ATRNL1: variants seen among roughly 807,000 people sequenced by gnomAD.
ATRNL1 encodes the protein attractin like 1.
ATRNL1 carries 95 observed loss-of-function variants against 182.7 expected under a neutral mutation model. The ratio of observed to expected loss-of-function variants is 0.52; its 90% confidence interval spans 0.44 to 0.62. ATRNL1 has a LOEUF of 0.62. Among genes scored for constraint, ATRNL1 ranks in the 20% least tolerant of loss-of-function variants. ATRNL1 has a pLI of 0.00. For missense variants in ATRNL1, 1,471 were observed against 1,679.5 expected (o/e 0.88, Z 2.17); for synonymous variants, 576 against 568.3 (o/e 1.01, Z -0.19).
At chr10:115,435,952 A>T (rs1420508039) in intron 21 of ATRNL1, among the ~76,000 whole-genome samples, 1 of 152,170 alleles carries the variant, frequency 6.6e-6, no homozygotes, top group Non-Finnish European at 1.5e-5. Context: ...TAGTAGACTC[A>T]TATAAGTTAT....
At position 115,398,737 on chromosome 10, in the gene ATRNL1, C is replaced by G. The variant is rs1554956198; in HGVS notation, c.3269+3985C>G. 3.3e-5 allele frequency among the ~76,000 whole-genome samples: 5 copies of G among 151,990 alleles called. 1 individual carries two copies. In the South Asian group the frequency reaches 6.2e-4, roughly 19 times the overall value. On this transcript the variant is annotated intron_variant, in intron 20 of 28. Coordinates refer to ENST00000355044, the MANE Select transcript of ATRNL1 (RefSeq NM_207303.4). ...ACTGCCCTGGTGAGAACTTCAGATA[C>G]TATGTTGAATGGAAGTGGTGAGAGA...
intron 13 of ATRNL1, among the ~76,000 whole-genome samples, chr10:115,274,343 A>C (rs1485986745): frequency 6.6e-6 from 1 of 152,212 alleles, no homozygotes; most frequent in Non-Finnish European, 1.5e-5. Context: ...TGTTACCTCC[A>C]AAATCCAAAG....
chr10:115,176,605 A>G, intron 8 of ATRNL1, among the ~76,000 whole-genome samples: 1 of 152,042 alleles, frequency 6.6e-6, no homozygotes, highest in East Asian at 1.9e-4. Context: ...GGTGATTCCA[A>G]AATTTTGGGC....
chr10:115,674,594 G>A (rs12240928), intron 26 of ATRNL1, among the ~76,000 whole-genome samples: 1,804 of 152,124 alleles, frequency 0.012, 33 homozygotes, highest in African/African-American at 0.041. Context: ...AAGGACCTCC[G>A]AGTCTACTGA....
At chr10:115,578,155 G>A (rs540849149) in intron 26 of ATRNL1, among the ~76,000 whole-genome samples, 4 of 151,792 alleles carry the variant, frequency 2.6e-5, no homozygotes, top group South Asian at 2.1e-4. Flanking sequence ...TTTAGTTTGC[G>A]AGTTTTTTGT....
At chr10:115,897,627 G>A (rs1952240665) in intron 28 of ATRNL1, among the ~76,000 whole-genome samples, 1 of 152,134 alleles carries the variant, frequency 6.6e-6, no homozygotes, top group Non-Finnish European at 1.5e-5. Flanking sequence ...CCTCACAAAG[G>A]GACAGGCACT....
chr10:115,733,864 A>G (rs1947872272), intron 27 of ATRNL1, among the ~76,000 whole-genome samples: 1 of 152,196 alleles, frequency 6.6e-6, no homozygotes, highest in African/African-American at 2.4e-5. Context: ...AAGATATAAT[A>G]CAAATTAAAA....
chr10:115,845,385 C>T (rs1259933695), intron 27 of ATRNL1, among the ~76,000 whole-genome samples: 2 of 151,958 alleles, frequency 1.3e-5, no homozygotes, highest in South Asian at 2.1e-4. Context: ...TTCCTTTCCA[C>T]GTTTGAGATA....
chr10:115,375,232 CCTT>C (rs1554949241), intron 19 of ATRNL1, among the ~76,000 whole-genome samples: 1 of 151,322 alleles, frequency 6.6e-6, no homozygotes, highest in East Asian at 1.9e-4. Flanking sequence ...TACCTAATGA[CCTT>C]CTTTTTGTCT....
chr10:115,508,193 G>C (rs1165330184), intron 24 of ATRNL1, among the ~76,000 whole-genome samples: 5 of 151,952 alleles, frequency 3.3e-5, no homozygotes, highest in African/African-American at 1.2e-4. Flanking sequence ...TTTTGTAATT[G>C]TTTTGGGGTG....
intron 26 of ATRNL1, among the ~76,000 whole-genome samples, chr10:115,659,208 G>C (rs73377524): frequency 0.049 from 7,492 of 151,978 alleles, 520 homozygotes; most frequent in African/African-American, 0.16. Flanking sequence ...TTTTTGGCTT[G>C]TGGAGGGTCC....
intron 10 of ATRNL1, among the ~76,000 whole-genome samples, chr10:115,259,905 A>G (rs1851324778): frequency 6.6e-6 from 1 of 152,240 alleles, no homozygotes. Flanking sequence ...TTGTAAGAGT[A>G]TAATTTTGTG....
intron 26 of ATRNL1, among the ~76,000 whole-genome samples, chr10:115,711,041 T>G (rs1201874341): frequency 1.3e-5 from 2 of 152,096 alleles, no homozygotes; most frequent in Admixed American, 6.6e-5. Flanking sequence ...ATAGCTATTG[T>G]TGGTGGTTTC....
At chr10:115,413,437 T>C (rs1554960264) in intron 20 of ATRNL1, among the ~76,000 whole-genome samples, 1 of 152,186 alleles carries the variant, frequency 6.6e-6, no homozygotes, top group Non-Finnish European at 1.5e-5. Context: ...TACCAACTCC[T>C]ATGGTAGACT....
chr10:115,256,864 A>G (rs1554907126), intron 10 of ATRNL1, among the ~76,000 whole-genome samples: 1 of 151,900 alleles, frequency 6.6e-6, no homozygotes, highest in East Asian at 1.9e-4. Context: ...TTCAAAGAAC[A>G]TCTTTCTGCC....
chr10:115,322,275 T>G (rs1469974501), intron 18 of ATRNL1, among the ~76,000 whole-genome samples: 1 of 151,812 alleles, frequency 6.6e-6, no homozygotes, highest in African/African-American at 2.4e-5. Context: ...ATCTTTTAAA[T>G]AATTTGAGTG....
At chr10:115,735,541 G>A (rs137990640) in intron 27 of ATRNL1, among the ~76,000 whole-genome samples, 198 of 152,212 alleles carry the variant, frequency 1.3e-3, no homozygotes, top group African/African-American at 4.4e-3. Context: ...CACAATAAGA[G>A]ATTAACAGCC....
chr10:115,276,208 C>CAT (rs1413695535), intron 13 of ATRNL1, among the ~76,000 whole-genome samples: 4 of 151,974 alleles, frequency 2.6e-5, no homozygotes, highest in African/African-American at 9.7e-5. Flanking sequence ...GTGTTAATCC[C>CAT]ATATATGAGG....
intron 27 of ATRNL1, among the ~76,000 whole-genome samples, chr10:115,764,464 C>T (rs559890420): frequency 2.0e-5 from 3 of 152,196 alleles, no homozygotes; most frequent in South Asian, 2.1e-4. Context: ...TCTGCCTATG[C>T]GTCCCCACAC....
Sources: allele counts gnomAD v4.1 joint callset (sites outside exome capture counted in the v4.1 genomes callset), GRCh38; gene constraint gnomAD v4.1.1; transcripts MANE v1.5; gene names NCBI Gene and HGNC (gene_info 2026-07-23, HGNC 2026-07-21).